TUSC3: variants seen among roughly 807,000 people sequenced by gnomAD.
TUSC3 encodes dolichyl-diphosphooligosaccharide--protein glycosyltransferase subunit TUSC3.
In TUSC3, 45 loss-of-function variants were observed where a neutral mutation model predicts 44.8. The observed-to-expected ratio is 1.00, with a 90% CI of 0.79 to 1.29. TUSC3 has a LOEUF of 1.29. TUSC3 is among the 50% of genes most tolerant of loss of function. The pLI, the probability that TUSC3 is intolerant of heterozygous loss-of-function variation, is 0.00. For synonymous variants in TUSC3, 212 were observed against 152.9 expected (o/e 1.39, Z -2.85); for missense variants, 519 against 437.9 (o/e 1.19, Z -1.65).
intron 6 of TUSC3, chr8:15,688,926 C>A: frequency 5.6e-6 from 1 of 178,912 alleles, no homozygotes; most frequent in South Asian, 1.2e-4. Flanking sequence ...CACCAGGGGT[C>A]GCCTGCTTGA....
chr8:15,693,305 T>A (rs1238347642), intron 6 of TUSC3, among the ~76,000 whole-genome samples: 1 of 152,154 alleles, frequency 6.6e-6, no homozygotes, highest in Non-Finnish European at 1.5e-5. Flanking sequence ...GTCTTTTCTT[T>A]CCACATTTAG....
chr8:15,683,053 T>C (rs1412529805), intron 6 of TUSC3, among the ~76,000 whole-genome samples: 2 of 152,192 alleles, frequency 1.3e-5, no homozygotes, highest in Non-Finnish European at 2.9e-5. Flanking sequence ...AGAGGTGATA[T>C]GACCCTTTTC....
At chr8:15,480,680 T>A (rs1800646419) in intron 1 of TUSC3, among the ~76,000 whole-genome samples, 1 of 152,190 alleles carries the variant, frequency 6.6e-6, no homozygotes. Context: ...TCACAGTCCC[T>A]CCCTGCACCT....
intron 1 of TUSC3, among the ~76,000 whole-genome samples, chr8:15,422,505 G>C (rs901570491): frequency 2.0e-5 from 3 of 152,174 alleles, no homozygotes; most frequent in African/African-American, 7.2e-5. Context: ...AAGAGCTCTA[G>C]TGTACAATAA....
intron 1 of TUSC3, among the ~76,000 whole-genome samples, chr8:15,580,774 G>C (rs1313867513): frequency 7.4e-6 from 1 of 134,570 alleles, no homozygotes; most frequent in African/African-American, 3.0e-5. Flanking sequence ...TTCAACTTTG[G>C]TGAATCTGAC....
At chr8:15,628,851 A>G (rs1805633639) in intron 2 of TUSC3, among the ~76,000 whole-genome samples, 1 of 152,206 alleles carries the variant, frequency 6.6e-6, no homozygotes, top group Non-Finnish European at 1.5e-5. Context: ...TGTTTTCTTC[A>G]TGGTGTGAAG....
chr8:15,788,186 G>C, the TUSC3 span, among the ~76,000 whole-genome samples: 3 of 152,140 alleles, frequency 2.0e-5, no homozygotes, highest in Non-Finnish European at 4.4e-5. Flanking sequence ...TTTAGACCTT[G>C]ACCACTAATT....
At chr8:15,653,086 C>G (rs955223068) in intron 3 of TUSC3, among the ~76,000 whole-genome samples, 1 of 152,104 alleles carries the variant, frequency 6.6e-6, no homozygotes, top group Admixed American at 6.6e-5. Flanking sequence ...TCATTTTTCA[C>G]TTTTTCAAAA....
At chr8:15,493,090 CAAAA>C (rs113010916) in intron 2 of TUSC3, among the ~76,000 whole-genome samples, 2 of 151,720 alleles carry the variant, frequency 1.3e-5, no homozygotes, top group African/African-American at 4.8e-5. Flanking sequence ...CTTTAATACA[CAAAA>C]AAAATCCTGC....
chr8:15,604,042 A>G (rs1044952551), intron 1 of TUSC3, among the ~76,000 whole-genome samples: 2 of 151,758 alleles, frequency 1.3e-5, no homozygotes, highest in East Asian at 3.9e-4. Context: ...ATATATTAAT[A>G]TGATGGGGTG....
chr8:15,746,744 A>G (rs1811433848), intron 8 of TUSC3, among the ~76,000 whole-genome samples: 1 of 152,092 alleles, frequency 6.6e-6, no homozygotes, highest in Non-Finnish European at 1.5e-5. Flanking sequence ...CTGAAAAATA[A>G]AAAAGGAGAT....
chr8:15,743,369 A>G (rs1384227223), intron 7 of TUSC3, 169 bp from the exon 8 acceptor site: 8 of 683,422 alleles, frequency 1.2e-5, no homozygotes, highest in African/African-American at 9.0e-5. Flanking sequence ...AAGTTAAGGC[A>G]TATTTGCTCA....
intron 2 of TUSC3, among the ~76,000 whole-genome samples, chr8:15,531,139 G>A (rs1801442995): frequency 6.6e-6 from 1 of 152,206 alleles, no homozygotes; most frequent in Non-Finnish European, 1.5e-5. Context: ...AGCTCAAGTT[G>A]CCAGAAGTAG....
intron 2 of TUSC3, among the ~76,000 whole-genome samples, chr8:15,508,678 G>C (rs1197798663): frequency 1.3e-5 from 2 of 152,010 alleles, no homozygotes; most frequent in Non-Finnish European, 2.9e-5. Flanking sequence ...AGCCAGGATG[G>C]TCTCAGTCTC....
intron 1 of TUSC3, among the ~76,000 whole-genome samples, chr8:15,446,077 A>G (rs990343047): frequency 1.3e-5 from 2 of 149,336 alleles, no homozygotes; most frequent in Non-Finnish European, 3.0e-5. Flanking sequence ...GACGCTCCTC[A>G]CCTCCCAGAC....
chr8:15,813,376 AC>A, the TUSC3 span, among the ~76,000 whole-genome samples: 1,742 of 19,494 alleles, frequency 0.089, 44 homozygotes, highest in African/African-American at 0.2. Flanking sequence ...CATTTCTGAA[AC>A]AAACAAACAA....
chr8:15,591,623 G>C (rs17121684), intron 1 of TUSC3, among the ~76,000 whole-genome samples: 3,151 of 152,254 alleles, frequency 0.021, 96 homozygotes, highest in African/African-American at 0.07. Flanking sequence ...TTGTTGTGAG[G>C]GAGTGATTGG....
At chr8:15,562,145 C>T (rs931819710) in intron 1 of TUSC3, among the ~76,000 whole-genome samples, 43 of 152,188 alleles carry the variant, frequency 2.8e-4, no homozygotes, top group African/African-American at 8.4e-4. Flanking sequence ...AAGAACTTCC[C>T]GGCATTTTCT....
At chr8:15,658,430 G>A (rs1024397561) in intron 3 of TUSC3, among the ~76,000 whole-genome samples, 2 of 151,944 alleles carry the variant, frequency 1.3e-5, no homozygotes, top group East Asian at 3.9e-4. Flanking sequence ...GTTGTTATGG[G>A]CAGCTAAGCT....
Sources: gnomAD v4.1 joint callset for allele counts (sites outside exome capture counted in the v4.1 genomes callset) on GRCh38, gnomAD v4.1.1 for gene constraint, MANE v1.5 for transcripts, NCBI Gene and HGNC (gene_info 2026-07-23, HGNC 2026-07-21) for gene names.